The following WWOX variants were observed in gnomAD, a reference collection of about 807,000 sequenced individuals.
WWOX encodes the protein WW domain containing oxidoreductase.
A neutral mutation model predicts 46.2 loss-of-function variants in WWOX; 69 were observed. That is an observed-to-expected ratio of 1.49 (90% CI 1.23 to 1.82). The LOEUF (loss-of-function observed/expected upper bound fraction) is 1.82, where lower values mean the gene tolerates loss of function less well. WWOX is among the 40% of genes most tolerant of loss of function. The pLI is 0.00. For missense variants in WWOX, 919 were observed against 542.6 expected, an observed-to-expected ratio of 1.69 and a Z score of -6.89; for synonymous variants, 359 against 202.6, an observed-to-expected ratio of 1.77 and a Z score of -6.56.
chr16:79,138,105 A>G (rs181717051), intron 8 of WWOX, among the ~76,000 whole-genome samples: 46 of 152,292 alleles, frequency 3.0e-4, no homozygotes, highest in African/African-American at 1.0e-3. Context: ...GATCCACAGC[A>G]GGGGCCACAG....
chr16:78,171,241 G>C (rs1252296875), intron 5 of WWOX, among the ~76,000 whole-genome samples: 2 of 152,142 alleles, frequency 1.3e-5, no homozygotes, highest in Non-Finnish European at 2.9e-5. Context: ...TTCATGGCAT[G>C]ATATTAAGGA....
chr16:78,831,667 C>A (rs1445224889), intron 8 of WWOX, among the ~76,000 whole-genome samples: 1 of 152,166 alleles, frequency 6.6e-6, no homozygotes, highest in Non-Finnish European at 1.5e-5. Flanking sequence ...GATCATAATA[C>A]TATTTCCATT....
chr16:78,310,930 C>T (rs981482775), intron 5 of WWOX, among the ~76,000 whole-genome samples: 5 of 152,124 alleles, frequency 3.3e-5, no homozygotes, highest in African/African-American at 1.2e-4. Context: ...GGCTTGGCAT[C>T]GGAGTGGATG....
intron 8 of WWOX, among the ~76,000 whole-genome samples, chr16:78,764,083 G>T (rs7197649): frequency 6.6e-6 from 1 of 151,788 alleles, no homozygotes; most frequent in Non-Finnish European, 1.5e-5. Flanking sequence ...AAGGGTTGAT[G>T]TGAGTAGGAT....
chr16:78,518,744 A>G (rs1167178354), intron 8 of WWOX, among the ~76,000 whole-genome samples: 2 of 152,198 alleles, frequency 1.3e-5, no homozygotes, highest in Non-Finnish European at 2.9e-5. Context: ...TCCCAATGGC[A>G]CCAGAACAAG....
intron 8 of WWOX, among the ~76,000 whole-genome samples, chr16:78,789,187 G>A (rs1301222574): frequency 6.6e-6 from 1 of 152,096 alleles, no homozygotes; most frequent in Non-Finnish European, 1.5e-5. Context: ...TGATTGTCAT[G>A]GTGGTGTGAG....
At chr16:78,362,763 A>T (rs1244456932) in intron 5 of WWOX, among the ~76,000 whole-genome samples, 1 of 152,240 alleles carries the variant, frequency 6.6e-6, no homozygotes, top group Non-Finnish European at 1.5e-5. Flanking sequence ...AGAACTTACT[A>T]TGTGTCCAGT....
chr16:78,640,172 C>A (rs978503663), intron 8 of WWOX, among the ~76,000 whole-genome samples: 1 of 148,018 alleles, frequency 6.8e-6, no homozygotes, highest in African/African-American at 2.5e-5. Context: ...GAGTTGCCAA[C>A]GTCCTCTCCT....
intron 8 of WWOX, among the ~76,000 whole-genome samples, chr16:78,765,336 G>A (rs867052677): frequency 3.3e-5 from 5 of 152,218 alleles, no homozygotes; most frequent in Non-Finnish European, 7.3e-5. Flanking sequence ...ACTAGGGTGA[G>A]GGCTTTGCTC....
chr16:79,050,697 A>C (rs150041943), intron 8 of WWOX, among the ~76,000 whole-genome samples: 2 of 152,312 alleles, frequency 1.3e-5, no homozygotes, highest in African/African-American at 4.8e-5. Flanking sequence ...AATTGAAAAA[A>C]TCAATCTGGC....
chr16:78,990,380 T>A (rs946270601), intron 8 of WWOX, among the ~76,000 whole-genome samples: 2 of 152,120 alleles, frequency 1.3e-5, no homozygotes, highest in African/African-American at 4.8e-5. Context: ...CTGAGGAGCC[T>A]CAACTGTTCT....
chr16:79,121,501 C>G (rs9940026), intron 8 of WWOX, among the ~76,000 whole-genome samples: 5,651 of 152,202 alleles, frequency 0.037, 356 homozygotes, highest in African/African-American at 0.13. Flanking sequence ...GCTCTGTTTA[C>G]GGGGCTGTGG....
intron 5 of WWOX, among the ~76,000 whole-genome samples, chr16:78,271,804 A>G (rs752819237): frequency 4.6e-5 from 7 of 152,210 alleles, no homozygotes; most frequent in South Asian, 2.1e-4. Context: ...TCTCTACCTA[A>G]CAAGGGAATA....
intron 5 of WWOX, among the ~76,000 whole-genome samples, chr16:78,370,003 A>T (rs757998460): frequency 7.2e-5 from 11 of 151,762 alleles, no homozygotes; most frequent in Non-Finnish European, 1.3e-4. Context: ...GTCCTGGTGC[A>T]TGTCTGTAAT....
At chr16:78,457,857 A>G (rs979602045) in intron 8 of WWOX, among the ~76,000 whole-genome samples, 1 of 147,466 alleles carries the variant, frequency 6.8e-6, no homozygotes, top group Non-Finnish European at 1.5e-5. Context: ...CGGAGCTTTC[A>G]GTGAGCCAAG....
In WWOX at chr16:78,144,429, C is replaced by CTATATATATATATATACGTATATA. The variant is rs1300458731; in HGVS notation, c.410-19738_410-19737insCGTATATATATATATATATATATA. 3.6e-3 allele frequency among the ~76,000 whole-genome samples: 55 copies of CTATATATATATATATACGTATATA among 15,384 alleles called. 4 individuals carry two copies. Among genetic ancestry groups the CTATATATATATATATACGTATATA allele is most frequent in the Non-Finnish European group, 5.0e-3 (44 of 8,852 alleles). The allele number at this position is 15,384 out of a possible 152,430, so 10.1% of individuals were successfully genotyped here. On this transcript the variant is annotated intron_variant, in intron 4 of 8. Transcript: ENST00000566780. Reference sequence around the variant, plus strand: ...GGTGCAAACGTGGTTTTTGCCATTACTATATATATATATATATACACATAT... The same window carrying CTATATATATATATATACGTATATA: ...GGTGCAAACGTGGTTTTTGCCATTACTATATATATATATATACGTATATATATATATATATATATATACACATAT...
intron 5 of WWOX, among the ~76,000 whole-genome samples, chr16:78,291,789 A>G (rs958357246): frequency 1.2e-4 from 19 of 152,170 alleles, no homozygotes; most frequent in Non-Finnish European, 2.1e-4. Flanking sequence ...GGGAGCAGGG[A>G]AAGTCACCAA....
chr16:79,112,917 C>T (rs868319061), intron 8 of WWOX, among the ~76,000 whole-genome samples: 1 of 152,186 alleles, frequency 6.6e-6, no homozygotes, highest in African/African-American at 2.4e-5. Flanking sequence ...CGCAGCTCAG[C>T]ACAGCTGAAA....
chr16:78,128,395 A>G (rs1382656004), intron 4 of WWOX, among the ~76,000 whole-genome samples: 2 of 152,216 alleles, frequency 1.3e-5, no homozygotes, highest in Admixed American at 6.5e-5. Context: ...AACTTGATTC[A>G]ATAAGAAGGG....
Sources: gnomAD v4.1 joint callset for allele counts (sites outside exome capture counted in the v4.1 genomes callset) on GRCh38, gnomAD v4.1.1 for gene constraint, MANE v1.5 for transcripts, NCBI Gene and HGNC (gene_info 2026-07-23, HGNC 2026-07-21) for gene names.